ZNF91: variants seen among roughly 807,000 people sequenced by gnomAD.
ZNF91 encodes the protein zinc finger protein 91 (HPF7, HTF10).
In ZNF91, 7 loss-of-function variants were observed where a neutral mutation model predicts 12.6. That is an observed-to-expected ratio of 0.55 (90% CI 0.31 to 1.04). The LOEUF is 1.04. Ranked by LOEUF, ZNF91 falls within the 50% of genes least tolerant of loss-of-function variation. The pLI is 0.05. For synonymous variants in ZNF91, 453 were observed against 462.6 expected (o/e 0.98, Z 0.27); for missense variants, 1,217 against 1,385.4 (o/e 0.88, Z 1.93).
chr19:23,375,648 G>A (rs1489568107), intron 1 of ZNF91, among the ~76,000 whole-genome samples: 1 of 151,394 alleles, frequency 6.6e-6, no homozygotes, highest in African/African-American at 2.4e-5. Flanking sequence ...GTTTTTTTCA[G>A]TTTTTCTGGC....
In ZNF91 at chr19:23,360,924, G is replaced by A; in HGVS notation, c.2055C>T (p.Pro685=). 1.2e-6 allele frequency: 2 copies of A among 1,613,270 alleles called. No individual in the cohort carries two copies. Among genetic ancestry groups the A allele is most frequent in the Non-Finnish European group, 8.5e-7 (1 of 1,179,644 alleles). Residue 685 remains proline, a synonymous_variant, in exon 4 of 4, where the codon CCC becomes CCT. Transcript: ENST00000300619. ...NHKITHTEEK[P]YKCKECDKTF... Reference sequence around the variant, plus strand: ...TTTTGTCACATTCTTTACATTTGTAGGGTTTCTCTTCAGTATGAGTTATCT... The same window carrying A: ...TTTTGTCACATTCTTTACATTTGTAAGGTTTCTCTTCAGTATGAGTTATCT...
At chr19:23,343,853 C>T (rs1968169047) in intron 3 of ZNF91, among the ~76,000 whole-genome samples, 1 of 152,210 alleles carries the variant, frequency 6.6e-6, no homozygotes, top group Non-Finnish European at 1.5e-5. Context: ...GAACCTGACA[C>T]TTAGCATGAC....
At chr19:23,338,836 G>A (rs1291742015) in exon 4 of ZNF91, 1 of 151,952 alleles carries the variant, frequency 6.6e-6, no homozygotes, top group Non-Finnish European at 1.5e-5. Context: ...AGGGTATCAC[G>A]AGGTCAAGAG....
intron 1 of ZNF91, among the ~76,000 whole-genome samples, chr19:23,392,414 G>GA (rs76006514): frequency 8.4e-5 from 11 of 130,586 alleles, no homozygotes; most frequent in South Asian, 7.2e-4. Context: ...AAAAAAAAAA[G>GA]AAAAAAAAAT....
intron 1 of ZNF91, among the ~76,000 whole-genome samples, chr19:23,322,473 T>C (rs1234821917): frequency 1.3e-5 from 2 of 152,188 alleles, no homozygotes; most frequent in African/African-American, 4.8e-5. Context: ...TGCAACTGTT[T>C]TGCATTGGCA....
chr19:23,385,699 A>T (rs2145129013), intron 1 of ZNF91, among the ~76,000 whole-genome samples: 1 of 152,308 alleles, frequency 6.6e-6, no homozygotes, highest in East Asian at 1.9e-4. Flanking sequence ...AAACATATTT[A>T]ACACCTCAGC....
chr19:23,386,918 G>A (rs554132343), intron 1 of ZNF91, among the ~76,000 whole-genome samples: 71 of 152,184 alleles, frequency 4.7e-4, no homozygotes, highest in African/African-American at 1.5e-3. Flanking sequence ...TCTGACAAAC[G>A]TCTAATATCC....
downstream of ZNF91, among the ~76,000 whole-genome samples, chr19:23,355,664 A>C (rs1968467658): frequency 6.6e-6 from 1 of 152,346 alleles, no homozygotes; most frequent in East Asian, 1.9e-4. Flanking sequence ...GAGTAAACAG[A>C]CAACTCACAC....
chr19:23,333,243 A>C (rs1967955157), intron 1 of ZNF91, among the ~76,000 whole-genome samples: 1 of 152,224 alleles, frequency 6.6e-6, no homozygotes, highest in Admixed American at 6.5e-5. Flanking sequence ...GGGTAGGCCC[A>C]ACGCCTTGAG....
At chr19:23,335,523 G>A (rs755081433), downstream of ZNF91, among the ~76,000 whole-genome samples, 13 of 152,188 alleles carry the variant, frequency 8.5e-5, no homozygotes, top group Non-Finnish European at 1.8e-4. Context: ...CCTCAGCGAT[G>A]GTGGACGCCC....
intron 1 of ZNF91, chr19:23,324,559 G>T (rs1053067332): frequency 6.6e-6 from 1 of 150,602 alleles, no homozygotes; most frequent in African/African-American, 2.4e-5. Flanking sequence ...ATGTATATAC[G>T]TATGTATACA....
At chr19:23,385,184 A>G in intron 1 of ZNF91, 1 of 675,886 alleles carries the variant, frequency 1.5e-6, no homozygotes, top group Non-Finnish European at 2.7e-6. Context: ...GGAAAGACTA[A>G]GTCAGAGGAG....
In ZNF91 at chr19:23,362,551, T is replaced by A. The variant is rs773005370; in HGVS notation, c.428A>T (p.Asn143Ile). The A allele has an allele frequency of 1.9e-6, 3 of 1,600,854 alleles. No individual in the cohort carries two copies. The highest frequency in any genetic ancestry group is 2.6e-6 in the Non-Finnish European group (3 of 1,175,110). The change falls in exon 4 of 4, where the codon AAC (asparagine) becomes ATC (isoleucine). Residue 143 changes from asparagine to isoleucine, a missense_variant. Transcript: ENST00000300619. The stretch of plus-strand genomic sequence containing the variant: ...GCTCTGGGCAGTTGTGAGACACTGG[T>A]TAAGTTTATTATAACCTTCTTTGTG... ...KVHKEGYNKL[N>I]QCLTTAQSKV...
intron 1 of ZNF91, among the ~76,000 whole-genome samples, chr19:23,376,268 A>G (rs1969500492): frequency 6.6e-6 from 1 of 152,252 alleles, no homozygotes; most frequent in African/African-American, 2.4e-5. Context: ...TTAATATTGC[A>G]GATCACAAAT....
rs1274698322 is a variant in ZNF91, at chr19:23,361,774, C to T, written c.1205G>A (p.Gly402Glu). 1 of 1,610,364 alleles carries T rather than the reference C, an allele frequency of 6.2e-7. No homozygotes were observed. ...TLTKHKIIHA[G>E]EKLYKCEECG... ...TTCTTCACATTTGTAGAGTTTCTCT[C>T]CAGCATGTATTATTTTATGTTTAGT... Residue 402 changes from glycine (G) to glutamate (E), a missense_variant, in exon 4 of 4, where the codon GGA becomes GAA. Transcript: ENST00000300619.
At chr19:23,312,003 G>T (rs998767002), upstream of ZNF91, among the ~76,000 whole-genome samples, 2 of 151,690 alleles carry the variant, frequency 1.3e-5, no homozygotes, top group African/African-American at 4.8e-5. Flanking sequence ...GTGACATATC[G>T]TTAGGCCCAG....
downstream of ZNF91, among the ~76,000 whole-genome samples, chr19:23,336,292 A>G (rs1968006200): frequency 1.3e-5 from 2 of 152,218 alleles, no homozygotes; most frequent in South Asian, 2.1e-4. Flanking sequence ...AAGAGAAAGG[A>G]GAATAGCTCT....
rs1968712420 is a variant in ZNF91 at position 23,360,848 on chromosome 19, C to T, written c.2131G>A (p.Glu711Lys). Reference protein sequence around the residue: ...LTKHKIIHAGEKLYKCEECGK... With the variant: ...LTKHKIIHAGKKLYKCEECGK... ...CATTCTTCACATTTGTAGAGTTTCT[C>T]TCCAGCATGTATTATTTTATGTTTA... Residue 711 changes from glutamate (E) to lysine (K), a missense_variant, in exon 4 of 4, where the codon GAG becomes AAG. Physicochemically the swap from Glu to Lys is moderately conservative, Grantham distance 56. Coordinates refer to ENST00000300619, the MANE Select transcript of ZNF91 (RefSeq NM_003430.4). 12 of 1,613,202 alleles carry T rather than the reference C, an allele frequency of 7.4e-6. No individual in the cohort carries two copies. In the Admixed American group the frequency reaches 1.3e-4, roughly 18 times the overall value.
upstream of ZNF91, among the ~76,000 whole-genome samples, chr19:23,311,375 T>C (rs1967468724): frequency 6.6e-6 from 1 of 152,134 alleles, no homozygotes; most frequent in African/African-American, 2.4e-5. Context: ...CTTTCTCGCA[T>C]AAGTCCTGCT....
Sources: allele counts gnomAD v4.1 joint callset (sites outside exome capture counted in the v4.1 genomes callset), GRCh38; gene constraint gnomAD v4.1.1; transcripts MANE v1.5; gene names NCBI Gene and HGNC (gene_info 2026-07-23, HGNC 2026-07-21).